DAB1: variants seen among roughly 807,000 people sequenced by gnomAD.
The protein encoded by DAB1 is disabled homolog 1.
A neutral mutation model predicts 64.6 loss-of-function variants in DAB1; 15 were observed. The ratio of observed to expected loss-of-function variants is 0.23; its 90% CI spans 0.16 to 0.36. The LOEUF (loss-of-function observed/expected upper bound fraction) is 0.36. DAB1 is among the 10% of genes least tolerant of loss of function. The probability of loss-of-function intolerance (pLI) is 1.00; values close to 1 mark genes in which losing one functional copy is unlikely to be tolerated. For missense variants in DAB1, 596 were observed against 706.7 expected, an observed-to-expected ratio of 0.84 and a Z score of 1.78; for synonymous variants, 235 against 251.9, an observed-to-expected ratio of 0.93 and a Z score of 0.64.
At chr1:57,682,705 G>A (rs574088986) in intron 6 of DAB1, among the ~76,000 whole-genome samples, 128 of 152,250 alleles carry the variant, frequency 8.4e-4, no homozygotes, top group African/African-American at 3.0e-3. Context: ...CAGAGACAAG[G>A]CTTCAGCCAG....
intron 12 of DAB1, among the ~76,000 whole-genome samples, chr1:57,014,311 G>T (rs1455373860): frequency 6.6e-6 from 1 of 152,086 alleles, no homozygotes; most frequent in African/African-American, 2.4e-5. Flanking sequence ...CCAAAATGAG[G>T]CTTCAACTAT....
chr1:57,786,694 G>A (rs542785030), intron 6 of DAB1, among the ~76,000 whole-genome samples: 8 of 152,226 alleles, frequency 5.3e-5, no homozygotes, highest in African/African-American at 9.6e-5. Context: ...TTAAAAGCCC[G>A]TCAGTGGTAG....
chr1:57,744,393 G>A (rs1458433226), intron 6 of DAB1, among the ~76,000 whole-genome samples: 1 of 151,024 alleles, frequency 6.6e-6, no homozygotes, highest in African/African-American at 2.4e-5. Flanking sequence ...ATCTCACAGG[G>A]CTTCCTTGAG....
intron 5 of DAB1, among the ~76,000 whole-genome samples, chr1:58,103,724 G>C (rs980248916): frequency 2.0e-5 from 3 of 151,886 alleles, no homozygotes; most frequent in Non-Finnish European, 2.9e-5. Context: ...CTTAAGTTTT[G>C]CCCTGGAGAT....
chr1:58,351,569 C>G (rs963453421), intron 3 of DAB1, among the ~76,000 whole-genome samples: 1 of 151,656 alleles, frequency 6.6e-6, no homozygotes, highest in Non-Finnish European at 1.5e-5. Context: ...TAAGTGTTGG[C>G]CTAGAGTAAG....
chr1:57,536,332 A>G (rs138106393), intron 7 of DAB1, among the ~76,000 whole-genome samples: 16 of 152,360 alleles, frequency 1.1e-4, no homozygotes, highest in African/African-American at 3.8e-4. Flanking sequence ...AGATTTCTGT[A>G]AAAGGATTTT....
At chr1:57,386,439 G>A (rs549026965) in intron 1 of DAB1, 4 of 151,044 alleles carry the variant, frequency 2.6e-5, no homozygotes, top group East Asian at 3.9e-4. Flanking sequence ...TCAGCTTTAC[G>A]GGGGCCTACA....
intron 5 of DAB1, among the ~76,000 whole-genome samples, chr1:58,032,024 G>C (rs1201256885): frequency 4.8e-5 from 5 of 104,156 alleles, no homozygotes; most frequent in Non-Finnish European, 1.1e-4. Context: ...GTGTGTGTGT[G>C]TGTGTGTGTG....
In DAB1 at chr1:57,503,398, T is replaced by C. The variant is rs565760751; in HGVS notation, n.625+146194A>G. On this transcript the variant is annotated intron_variant and non_coding_transcript_variant, in intron 7 of 20. Transcript: ENST00000485760. ...TCATTTGAACTGCCTCTGCCTTAGT[T>C]TGGGACCCTAAAAATCTCCCCTGGA... Among the ~76,000 whole-genome samples the C allele has an allele frequency of 3.3e-5, 5 of 152,342 alleles. No homozygotes were observed. In the South Asian group the frequency reaches 1.0e-3, roughly 32 times the overall value.
rs1049866073 is a variant in DAB1, at chr1:58,378,053, G to C, written n.258-34650C>G. On this transcript the variant is annotated intron_variant and non_coding_transcript_variant, in intron 3 of 20. Transcript: ENST00000485760. ...CATCAGCTCCTTTAAGCACTTCTCT[G>C]TATTGGTTATTCTAGTTATACATTC... 2.4e-4 allele frequency among the ~76,000 whole-genome samples: 33 copies of C among 138,644 alleles called. 2 individuals carry two copies. The highest frequency in any genetic ancestry group is 7.0e-4 in the South Asian group (3 of 4,294). 91.0% of individuals were successfully genotyped at this position (138,644 alleles called of 152,430 possible).
intron 7 of DAB1, among the ~76,000 whole-genome samples, chr1:57,468,882 T>A (rs541371608): frequency 4.6e-5 from 7 of 152,312 alleles, no homozygotes; most frequent in African/African-American, 1.7e-4. Context: ...AAATATTAAC[T>A]CAGTGTTGAT....
At chr1:57,119,637 T>C (rs1043414910) in intron 4 of DAB1, among the ~76,000 whole-genome samples, 7 of 152,104 alleles carry the variant, frequency 4.6e-5, no homozygotes, top group African/African-American at 1.7e-4. Flanking sequence ...AGAACTGAAG[T>C]AGCTTGAATT....
intron 2 of DAB1, among the ~76,000 whole-genome samples, chr1:57,213,758 C>T (rs542244477): frequency 3.3e-5 from 5 of 152,290 alleles, no homozygotes; most frequent in African/African-American, 1.2e-4. Flanking sequence ...GTTCAACCAA[C>T]CCAGGAACAT....
intron 3 of DAB1, among the ~76,000 whole-genome samples, chr1:58,400,170 A>G (rs1344336839): frequency 1.3e-5 from 2 of 151,652 alleles, no homozygotes; most frequent in Non-Finnish European, 1.5e-5. Context: ...CTTTCTCTGC[A>G]TCTCGTTTCT....
intron 7 of DAB1, among the ~76,000 whole-genome samples, chr1:57,449,860 C>T (rs747200914): frequency 5.9e-5 from 9 of 152,100 alleles, no homozygotes; most frequent in Admixed American, 4.6e-4. Context: ...ACATCACTTG[C>T]TGTATTTGTT....
chr1:57,414,594 G>GTA (rs1209141871), intron 1 of DAB1, among the ~76,000 whole-genome samples: 3 of 152,106 alleles, frequency 2.0e-5, no homozygotes, highest in Non-Finnish European at 4.4e-5. Context: ...GGAACCAGCC[G>GTA]TATCTCCCAT....
intron 5 of DAB1, among the ~76,000 whole-genome samples, chr1:58,127,262 G>A (rs1653172260): frequency 6.6e-6 from 1 of 152,160 alleles, no homozygotes; most frequent in Non-Finnish European, 1.5e-5. Flanking sequence ...GTCTTCTTTT[G>A]AGAAGTGTCT....
chr1:57,493,791 T>C (rs59599660), intron 7 of DAB1, among the ~76,000 whole-genome samples: 8,719 of 147,232 alleles, frequency 0.059, 860 homozygotes, highest in African/African-American at 0.22. Context: ...CACACACACA[T>C]TGACTGACAT....
At chr1:57,294,945 T>C (rs1475009494) in intron 1 of DAB1, among the ~76,000 whole-genome samples, 1 of 152,196 alleles carries the variant, frequency 6.6e-6, no homozygotes, top group East Asian at 1.9e-4. Context: ...GGATGAACCC[T>C]GAAAACAGCA....
Sources: gnomAD v4.1 joint callset for allele counts (sites outside exome capture counted in the v4.1 genomes callset) on GRCh38, gnomAD v4.1.1 for gene constraint, MANE v1.5 for transcripts, NCBI Gene and HGNC (gene_info 2026-07-23, HGNC 2026-07-21) for gene names.